Variants in NOL10 observed in about 807,000 individuals in gnomAD.
The protein encoded by NOL10 is nucleolar protein 10, also known as H_NH0074G24.1.
NOL10 carries 58 observed loss-of-function variants against 103.5 expected under a neutral mutation model. That is an observed-to-expected ratio of 0.56 (90% CI 0.45 to 0.70). NOL10 has a LOEUF of 0.70. NOL10 is among the 30% of genes least tolerant of loss of function. The probability of loss-of-function intolerance (pLI) is 0.00; values close to 1 mark genes in which losing one functional copy is unlikely to be tolerated. For synonymous variants in NOL10, 287 were observed against 282.5 expected, an observed-to-expected ratio of 1.02 and a Z score of -0.16; for missense variants, 763 against 807.3, an observed-to-expected ratio of 0.95 and a Z score of 0.67.
At chr2:10,614,284 C>G (rs1401347158) in intron 13 of NOL10, among the ~76,000 whole-genome samples, 2 of 151,924 alleles carry the variant, frequency 1.3e-5, no homozygotes, top group East Asian at 1.9e-4. Context: ...AAATCCAGGT[C>G]TAACCAGAAA....
intron 2 of NOL10, among the ~76,000 whole-genome samples, chr2:10,683,385 C>G (rs374340803): frequency 6.6e-6 from 1 of 152,048 alleles, no homozygotes; most frequent in Admixed American, 6.6e-5. Flanking sequence ...ATTCATAAAC[C>G]CTACATGTAA....
At chr2:10,645,732 T>C (rs975147506) in intron 12 of NOL10, among the ~76,000 whole-genome samples, 5 of 151,996 alleles carry the variant, frequency 3.3e-5, no homozygotes, top group Admixed American at 6.6e-5. Flanking sequence ...GGTTTCACCA[T>C]GTTAGCCAGG....
At chr2:10,611,323 T>G (rs929405819) in intron 13 of NOL10, among the ~76,000 whole-genome samples, 2 of 152,250 alleles carry the variant, frequency 1.3e-5, no homozygotes, top group Non-Finnish European at 2.9e-5. Context: ...GCCAATCTAC[T>G]TGAGCGGAAG....
intron 13 of NOL10, among the ~76,000 whole-genome samples, chr2:10,632,374 A>T (rs777165613): frequency 6.6e-6 from 1 of 152,248 alleles, no homozygotes; most frequent in Non-Finnish European, 1.5e-5. Flanking sequence ...TATAGTCAGA[A>T]AGTTGCATAG....
At chr2:10,575,225 GT>G (rs1290770155) in intron 20 of NOL10, among the ~76,000 whole-genome samples, 1 of 152,200 alleles carries the variant, frequency 6.6e-6, no homozygotes, top group East Asian at 1.9e-4. Flanking sequence ...CTGAATCCCA[GT>G]TTTGCCACTA....
chr2:10,621,421 C>T (rs1014423502), intron 13 of NOL10, among the ~76,000 whole-genome samples: 3 of 152,046 alleles, frequency 2.0e-5, no homozygotes, highest in African/African-American at 7.2e-5. Flanking sequence ...TGGTGAGACT[C>T]CATCTCTATA....
chr2:10,671,733 T>C, intron 5 of NOL10, 43 bp from the exon 6 acceptor site: 1 of 1,463,456 alleles, frequency 6.8e-7, no homozygotes, highest in Non-Finnish European at 9.2e-7. Flanking sequence ...GGTTTCTAGT[T>C]AGGTGTTTAC....
Position 10,577,709 on chromosome 2 carries a change from T to A in NOL10, c.1874A>T (p.Glu625Val). ...NKTLEDRLKIEAKNGTLSVSD... is the reference protein window; with the variant it reads ...NKTLEDRLKIVAKNGTLSVSD... ...TACACTCAATGTCCCATTTTTTGCT[T>A]CAATTTTCAAACGATCTTCAAGGGT... The change falls in exon 20 of 21, where the codon GAA becomes GTA. Residue 625 changes from glutamate to valine, a missense_variant. Glu to Val is a moderately radical substitution (Grantham distance 121, BLOSUM62 -2). Transcript: ENST00000381685. 6.2e-7 allele frequency: 1 copy of A among 1,611,914 alleles called. No individual in the cohort carries two copies. The highest frequency in any genetic ancestry group is 8.5e-7 in the Non-Finnish European group (1 of 1,178,792).
At chr2:10,619,342 C>T (rs569577106) in intron 13 of NOL10, among the ~76,000 whole-genome samples, 362 of 152,066 alleles carry the variant, frequency 2.4e-3, no homozygotes, top group African/African-American at 8.4e-3. Flanking sequence ...TTTGTAGAGA[C>T]GGGGTCTCAC....
chr2:10,649,585 A>G (rs1233064926), intron 12 of NOL10, among the ~76,000 whole-genome samples: 1 of 152,044 alleles, frequency 6.6e-6, no homozygotes, highest in Non-Finnish European at 1.5e-5. Context: ...CTCCCAAAGT[A>G]CTAGGACTAC....
chr2:10,660,658 T>C (rs1680137721), intron 9 of NOL10, among the ~76,000 whole-genome samples: 1 of 152,226 alleles, frequency 6.6e-6, no homozygotes, highest in Non-Finnish European at 1.5e-5. Context: ...TTGTTGTTAT[T>C]AGAATGTTTT....
intron 13 of NOL10, among the ~76,000 whole-genome samples, chr2:10,628,739 A>G (rs1309048414): frequency 6.6e-6 from 1 of 152,204 alleles, no homozygotes. Flanking sequence ...AAATGACCAG[A>G]ATCACACTCA....
At chr2:10,643,884 C>T (rs561948542) in intron 13 of NOL10, among the ~76,000 whole-genome samples, 8 of 152,254 alleles carry the variant, frequency 5.3e-5, no homozygotes, top group African/African-American at 1.9e-4. Context: ...CAAATTCAAC[C>T]CAAAAGTGAG....
Position 10,577,679 on chromosome 2 carries a change from T to C in NOL10, c.1904A>G (p.Asp635Gly), listed in dbSNP as rs1674527191. The C allele has an allele frequency of 6.2e-7, 1 of 1,613,264 alleles. No homozygotes were observed. The highest frequency in any genetic ancestry group is 1.7e-5 in the Admixed American group (1 of 59,938). Residue 635 changes from aspartate to glycine, a missense_variant, in exon 20 of 21, where the codon GAC becomes GGC. By Grantham distance (94) the Asp-to-Gly change is moderately conservative. Coordinates refer to ENST00000381685, the MANE Select transcript of NOL10 (RefSeq NM_024894.4). ...CAATTGTTTGCTGCCAACGGTGGTG[T>C]CGGATACACTCAATGTCCCATTTTT... Reference protein sequence around the residue: ...EAKNGTLSVSDTTVGSKQLTF... With the variant: ...EAKNGTLSVSGTTVGSKQLTF...
chr2:10,687,916 G>A (rs1682330896), intron 1 of NOL10, among the ~76,000 whole-genome samples: 1 of 151,920 alleles, frequency 6.6e-6, no homozygotes, highest in African/African-American at 2.4e-5. Flanking sequence ...CATTGCACGC[G>A]ACCTCAAAAA....
chr2:10,607,127 C>CAA, intron 14 of NOL10, 58 bp downstream of exon 14: 2 of 1,219,274 alleles, frequency 1.6e-6, no homozygotes, highest in South Asian at 1.8e-5. Flanking sequence ...GTTCAAAACT[C>CAA]AAAAAAAAAG....
At chr2:10,664,544 CGTTG>C (rs1389451542) in intron 8 of NOL10, among the ~76,000 whole-genome samples, 1 of 152,134 alleles carries the variant, frequency 6.6e-6, no homozygotes, top group Non-Finnish European at 1.5e-5. Flanking sequence ...AATGAGGGGT[CGTTG>C]TTTGTGTGTT....
intron 16 of NOL10, among the ~76,000 whole-genome samples, chr2:10,602,572 T>C (rs983699874): frequency 6.6e-6 from 1 of 152,198 alleles, no homozygotes; most frequent in African/African-American, 2.4e-5. Context: ...GCAGAGGTCA[T>C]AATGCGAAAA....
rs1337397623 is a variant in NOL10, at chr2:10,627,761, A to AGAGG, written c.1026+16555_1026+16558dup. 5.4e-5 allele frequency among the ~76,000 whole-genome samples: 8 copies of AGAGG among 148,556 alleles called. No individual in the cohort carries two copies. The South Asian group carries it at 1.8e-3, about 33-fold the overall frequency. ...TTTGGAGAGAGAGGGAGGGAGGGAG[A>AGAGG]GAGGGAGGGAGGGACAACTTTGGAT... On this transcript the variant is annotated intron_variant, in intron 13 of 20. Transcript: ENST00000381685.
Sources: allele counts gnomAD v4.1 joint callset (sites outside exome capture counted in the v4.1 genomes callset), GRCh38; gene constraint gnomAD v4.1.1; transcripts MANE v1.5; gene names NCBI Gene and HGNC (gene_info 2026-07-23, HGNC 2026-07-21).